Variants in RGS6 observed in about 807,000 individuals in gnomAD.
RGS6 encodes regulator of G protein signaling 6, also known as regulator of G-protein signaling 6.
RGS6 carries 30 observed loss-of-function variants against 78.5 expected under a neutral mutation model. The observed-to-expected ratio is 0.38, with a 90% CI of 0.29 to 0.52. The LOEUF is 0.52. Ranked by LOEUF, RGS6 falls within the 20% of genes least tolerant of loss-of-function variation. The probability of loss-of-function intolerance (pLI) is 0.85; values close to 1 mark genes in which losing one functional copy is unlikely to be tolerated. For missense variants in RGS6, 495 were observed against 609.7 expected, an observed-to-expected ratio of 0.81 and a Z score of 1.98; for synonymous variants, 206 against 206.0, an observed-to-expected ratio of 1.00 and a Z score of 0.00.
At chr14:72,039,375 C>T (rs1050700607) in intron 2 of RGS6, among the ~76,000 whole-genome samples, 10 of 152,104 alleles carry the variant, frequency 6.6e-5, no homozygotes, top group African/African-American at 2.4e-4. Flanking sequence ...AGATCCTGAA[C>T]GATTTAGGGC....
At chr14:72,491,774 G>C (rs1050862906) in intron 12 of RGS6, among the ~76,000 whole-genome samples, 10 of 152,130 alleles carry the variant, frequency 6.6e-5, no homozygotes, top group Non-Finnish European at 1.3e-4. Flanking sequence ...GTGACAAAGT[G>C]AGCCAGTTTT....
At chr14:72,371,205 C>G (rs568240619) in intron 3 of RGS6, among the ~76,000 whole-genome samples, 2 of 152,322 alleles carry the variant, frequency 1.3e-5, no homozygotes, top group Admixed American at 1.3e-4. Flanking sequence ...ACTTTAGTAA[C>G]AACCTCTTAA....
At chr14:72,158,714 G>C (rs534510117) in intron 2 of RGS6, among the ~76,000 whole-genome samples, 1 of 152,252 alleles carries the variant, frequency 6.6e-6, no homozygotes, top group South Asian at 2.1e-4. Flanking sequence ...GGTAATAATA[G>C]AGCCAGTGAA....
At chr14:72,343,511 C>CGATTTTTT (rs2077415862) in intron 2 of RGS6, among the ~76,000 whole-genome samples, 3 of 152,220 alleles carry the variant, frequency 2.0e-5, no homozygotes, top group Non-Finnish European at 4.4e-5. Flanking sequence ...TACAAAGTCC[C>CGATTTTTT]TTTTGCCATG....
intron 2 of RGS6, among the ~76,000 whole-genome samples, chr14:72,070,106 GCTGGCTGTCATTCATTGTGCTT>G (rs2094350900): frequency 6.6e-6 from 1 of 151,800 alleles, no homozygotes; most frequent in Non-Finnish European, 1.5e-5. Context: ...TATCTGATTT[GCTGGCTGTCATTCATTGTGCTT>G]TATTTCTCTC....
chr14:72,334,145 C>G (rs778415487), intron 2 of RGS6, among the ~76,000 whole-genome samples: 1 of 152,204 alleles, frequency 6.6e-6, no homozygotes, highest in Non-Finnish European at 1.5e-5. Flanking sequence ...AAAGAGGCCC[C>G]GTGGGAACGG....
At chr14:72,449,893 G>A (rs928502397) in intron 3 of RGS6, among the ~76,000 whole-genome samples, 1 of 152,188 alleles carries the variant, frequency 6.6e-6, no homozygotes, top group African/African-American at 2.4e-5. Flanking sequence ...GCAGGAAATG[G>A]CCAGGGCTTG....
chr14:72,344,472 G>T (rs989282476), intron 2 of RGS6, among the ~76,000 whole-genome samples: 1 of 152,166 alleles, frequency 6.6e-6, no homozygotes, highest in African/African-American at 2.4e-5. Context: ...AAAGCAAAAT[G>T]ATCTTAAGTG....
At chr14:72,106,916 CTGCGTT>C (rs2095644740) in intron 2 of RGS6, among the ~76,000 whole-genome samples, 1 of 152,100 alleles carries the variant, frequency 6.6e-6, no homozygotes, top group African/African-American at 2.4e-5. Context: ...ATAGGTGGGA[CTGCGTT>C]TTTTGTTTTT....
the RGS6 span, among the ~76,000 whole-genome samples, chr14:72,587,431 G>C: frequency 6.6e-6 from 1 of 152,160 alleles, no homozygotes; most frequent in Admixed American, 6.5e-5. Context: ...AATGAGGTGG[G>C]TCCAGGGGGT....
intron 17 of RGS6, among the ~76,000 whole-genome samples, chr14:72,549,887 C>A (rs571263730): frequency 2.9e-4 from 44 of 152,258 alleles, no homozygotes; most frequent in African/African-American, 9.6e-4. Context: ...CCCCCAGAGA[C>A]CTCGGACTGA....
In RGS6 at chr14:72,476,758, C is replaced by A. The variant is rs765278523; in HGVS notation, c.710C>A (p.Thr237Asn). 3 of 1,614,024 alleles carry A rather than the reference C, an allele frequency of 1.9e-6. No individual in the cohort carries two copies. Among genetic ancestry groups the A allele is most frequent in the African/African-American group, 2.7e-5 (2 of 74,916 alleles). ...QKVKKSVYGVTEESQAQSPVH... is the reference protein window; with the variant it reads ...QKVKKSVYGVNEESQAQSPVH... ...TTCTCCTAGTCCGTGTATGGCGTGA[C>A]TGAAGAGTCCCAGGCACAGAGCCCG... The change falls in exon 11 of 18, where the codon ACT becomes AAT. Residue 237 changes from threonine (T) to asparagine (N), a missense_variant. Thr to Asn is a moderately conservative substitution (Grantham distance 65). Coordinates refer to ENST00000553525, the MANE Select transcript of RGS6 (RefSeq NM_001204424.2).
intron 2 of RGS6, among the ~76,000 whole-genome samples, chr14:72,169,755 T>G (rs138852902): frequency 6.6e-6 from 1 of 152,306 alleles, no homozygotes; most frequent in Non-Finnish European, 1.5e-5. Context: ...AGGTGATATA[T>G]TCTTGTCCAA....
At chr14:72,004,421 T>C (rs2084114831) in intron 2 of RGS6, among the ~76,000 whole-genome samples, 1 of 152,222 alleles carries the variant, frequency 6.6e-6, no homozygotes, top group Non-Finnish European at 1.5e-5. Context: ...TTTTTAACAT[T>C]TGAAAATATA....
intron 1 of RGS6, among the ~76,000 whole-genome samples, chr14:71,964,214 A>G (rs1355979112): frequency 6.6e-6 from 1 of 152,230 alleles, no homozygotes; most frequent in Non-Finnish European, 1.5e-5. Context: ...GAGATTATTT[A>G]AGACTGCCGT....
chr14:72,280,606 G>A (rs2061410511), intron 2 of RGS6, among the ~76,000 whole-genome samples: 1 of 152,242 alleles, frequency 6.6e-6, no homozygotes, highest in Non-Finnish European at 1.5e-5. Context: ...TAGGGACACA[G>A]AAATGAAGAG....
chr14:72,164,311 T>C (rs2096894823), intron 2 of RGS6, among the ~76,000 whole-genome samples: 1 of 152,198 alleles, frequency 6.6e-6, no homozygotes, highest in Non-Finnish European at 1.5e-5. Flanking sequence ...CAACAAAGTC[T>C]TTGATTTGCA....
intron 2 of RGS6, among the ~76,000 whole-genome samples, chr14:72,037,480 T>C (rs1216145616): frequency 6.6e-6 from 1 of 152,156 alleles, no homozygotes; most frequent in Non-Finnish European, 1.5e-5. Context: ...ACACCATCTT[T>C]AAGAGCTGTA....
chr14:72,367,174 A>G (rs1276387261), intron 3 of RGS6, among the ~76,000 whole-genome samples: 1 of 152,190 alleles, frequency 6.6e-6, no homozygotes, highest in Non-Finnish European at 1.5e-5. Context: ...AGACTCTTGG[A>G]TTGCAGCAGT....
Sources: allele counts gnomAD v4.1 joint callset (sites outside exome capture counted in the v4.1 genomes callset), GRCh38; gene constraint gnomAD v4.1.1; transcripts MANE v1.5; gene names NCBI Gene and HGNC (gene_info 2026-07-23, HGNC 2026-07-21).